SIK3: variants seen among roughly 807,000 people sequenced by gnomAD.
SIK3 encodes the protein serine/threonine-protein kinase SIK3.
A neutral mutation model predicts 144.2 loss-of-function variants in SIK3; 28 were observed. The observed-to-expected ratio is 0.19, with a 90% confidence interval of 0.14 to 0.27. The LOEUF (loss-of-function observed/expected upper bound fraction) is 0.27, where lower values mean the gene tolerates loss of function less well. Among genes scored for constraint, SIK3 ranks in the 10% least tolerant of loss-of-function variants. The pLI, the probability that SIK3 is intolerant of heterozygous loss-of-function variation, is 1.00. For missense variants in SIK3, 1,319 were observed against 1,776.0 expected, an observed-to-expected ratio of 0.74 and a Z score of 4.62; for synonymous variants, 686 against 676.3, an observed-to-expected ratio of 1.01 and a Z score of -0.22.
chr11:116,871,926 G>A (rs1308422599), intron 13 of SIK3, among the ~76,000 whole-genome samples: 1 of 152,148 alleles, frequency 6.6e-6, no homozygotes, highest in East Asian at 1.9e-4. Flanking sequence ...CTATCCCATA[G>A]GCAGTCATGT....
chr11:117,019,914 GAAGAGAA>G (rs1343573285), intron 1 of SIK3, among the ~76,000 whole-genome samples: 1 of 151,900 alleles, frequency 6.6e-6, no homozygotes, highest in Non-Finnish European at 1.5e-5. Flanking sequence ...AGAAAAAAAG[GAAGAGAA>G]AAGGAAAGCA....
At chr11:116,883,523 G>A (rs1944654508) in intron 6 of SIK3, among the ~76,000 whole-genome samples, 1 of 152,146 alleles carries the variant, frequency 6.6e-6, no homozygotes, top group South Asian at 2.1e-4. Context: ...TAAAAATGAT[G>A]TTTTATTAAT....
At chr11:117,063,065 A>T (rs1390390089) in intron 1 of SIK3, among the ~76,000 whole-genome samples, 1 of 152,240 alleles carries the variant, frequency 6.6e-6, no homozygotes, top group African/African-American at 2.4e-5. Flanking sequence ...AGCTGCTATA[A>T]TGAATTACAT....
In SIK3 at chr11:116,917,827, G is replaced by GA. The variant is rs140214554; in HGVS notation, c.616+9391dup. Among the ~76,000 whole-genome samples, 24 of 105,000 alleles carry GA rather than the reference G, an allele frequency of 2.3e-4. No homozygotes were observed. In the South Asian group the frequency reaches 2.7e-3, roughly 12 times the overall value. The allele number at this position is 105,000 out of a possible 152,430, so 68.9% of individuals were successfully genotyped here. A position where few individuals can be genotyped will look rare whatever the true frequency, so the allele number is the denominator to read the frequency against. On this transcript the variant is annotated intron_variant, in intron 4 of 24. Coordinates refer to ENST00000445177, the MANE Select transcript of SIK3 (RefSeq NM_001366686.3). ...GAGGAAGGAAAGAAGGAAGAAGAAG[G>GA]AAGGAAAGGAAAGGAAAGGAAAGGA...
chr11:116,893,161 C>A (rs959713508), intron 6 of SIK3, among the ~76,000 whole-genome samples: 1 of 152,158 alleles, frequency 6.6e-6, no homozygotes, highest in Non-Finnish European at 1.5e-5. Context: ...CCAAAACCCA[C>A]AGAATGTGTA....
rs1943720593 is a variant in SIK3, at chr11:116,867,704, T to TCTC, written c.1952+241_1952+242insGAG. The stretch of plus-strand genomic sequence containing the variant: ...AACATCTAGAATCATGGGAATCAAA[T>TCTC]GCAGACAATAAACAGGTCTGCAAGG... On this transcript the variant is annotated intron_variant, in intron 15 of 24. Transcript: ENST00000445177. This position sits in a 1 kb window ranked among gnomAD's most constrained non-coding sequence, Gnocchi z 4.1. 2.7e-5 allele frequency: 10 copies of TCTC among 374,832 alleles called. 2 individuals carry two copies. In the Admixed American group the frequency reaches 4.3e-4, roughly 16 times the overall value. The allele number at this position is 374,832 out of a possible 1,614,324, so 23.2% of individuals were successfully genotyped here.
chr11:117,090,401 G>C (rs1955192056), intron 1 of SIK3, among the ~76,000 whole-genome samples: 1 of 149,628 alleles, frequency 6.7e-6, no homozygotes, highest in African/African-American at 2.5e-5. Context: ...AAAAAAAAAA[G>C]AGGAACCCTT....
chr11:116,897,560 C>T (rs1304263630), intron 4 of SIK3, among the ~76,000 whole-genome samples: 1 of 152,130 alleles, frequency 6.6e-6, no homozygotes, highest in Non-Finnish European at 1.5e-5. Context: ...CTTCATAAAC[C>T]TAGGCAGAAT....
intron 1 of SIK3, among the ~76,000 whole-genome samples, chr11:117,052,260 C>T (rs539369401): frequency 1.3e-5 from 2 of 151,974 alleles, no homozygotes; most frequent in Non-Finnish European, 2.9e-5. Context: ...GGGTATTTTG[C>T]GAGGATTTTT....
At chr11:116,856,250 G>A (rs1942921377) in intron 21 of SIK3, among the ~76,000 whole-genome samples, 1 of 150,588 alleles carries the variant, frequency 6.6e-6, no homozygotes, top group Non-Finnish European at 1.5e-5. Context: ...GCCAACTATA[G>A]TGTGCTAATC....
At chr11:116,908,128 G>A (rs183589428) in intron 4 of SIK3, among the ~76,000 whole-genome samples, 71 of 152,182 alleles carry the variant, frequency 4.7e-4, no homozygotes, top group African/African-American at 1.3e-3. Flanking sequence ...TTATACACAC[G>A]TTAAACAGAA....
At chr11:116,904,209 G>A (rs553483337) in intron 4 of SIK3, among the ~76,000 whole-genome samples, 105 of 152,280 alleles carry the variant, frequency 6.9e-4, no homozygotes, top group African/African-American at 2.5e-3. Context: ...GAATGGCCAG[G>A]ATCTGGAGAG....
chr11:117,003,484 T>TA (rs547543805), intron 1 of SIK3, among the ~76,000 whole-genome samples: 174 of 146,194 alleles, frequency 1.2e-3, no homozygotes, highest in African/African-American at 3.1e-3. Context: ...CAGGATGAAA[T>TA]AAAAAAAAAA....
intron 1 of SIK3, among the ~76,000 whole-genome samples, chr11:117,092,758 C>T (rs1221440544): frequency 6.6e-6 from 1 of 152,118 alleles, no homozygotes; most frequent in Non-Finnish European, 1.5e-5. Flanking sequence ...GAGTAGAAAG[C>T]ATTTCTTTTT....
chr11:116,875,137 G>C (rs908411337), intron 11 of SIK3, 21 bp downstream of exon 11: 1 of 1,593,336 alleles, frequency 6.3e-7, no homozygotes, highest in African/African-American at 1.3e-5. Flanking sequence ...TGTTAGTGAG[G>C]GCTGTTGGCC....
At chr11:116,940,223 G>GTTT (rs990268065) in intron 3 of SIK3, among the ~76,000 whole-genome samples, 1 of 146,552 alleles carries the variant, frequency 6.8e-6, no homozygotes, top group Non-Finnish European at 1.5e-5. Flanking sequence ...TTCCTTTAAG[G>GTTT]TTTTTTTGTT....
intron 21 of SIK3, among the ~76,000 whole-genome samples, chr11:116,852,544 T>A (rs1343990080): frequency 1.3e-5 from 2 of 152,208 alleles, no homozygotes; most frequent in East Asian, 3.8e-4. Flanking sequence ...CTTTGCTGGG[T>A]CTTAGTTATC....
chr11:116,984,348 C>T (rs1272727034), intron 1 of SIK3, among the ~76,000 whole-genome samples: 1 of 152,132 alleles, frequency 6.6e-6, no homozygotes, highest in Non-Finnish European at 1.5e-5. Context: ...GCAATATGAC[C>T]TTTTAGCTCA....
chr11:116,930,941 T>G (rs1565465348), intron 3 of SIK3, among the ~76,000 whole-genome samples: 2 of 152,138 alleles, frequency 1.3e-5, no homozygotes, highest in African/African-American at 4.8e-5. Context: ...TCCAAACATG[T>G]ACCCAGACAG....
Sources: gnomAD v4.1 joint callset for allele counts (sites outside exome capture counted in the v4.1 genomes callset) on GRCh38, gnomAD v4.1.1 for gene constraint, Gnocchi (gnomAD v3.1) non-coding constraint, MANE v1.5 for transcripts, NCBI Gene and HGNC (gene_info 2026-07-23, HGNC 2026-07-21) for gene names.